TMEM154: variants seen among roughly 807,000 people sequenced by gnomAD.
The protein encoded by TMEM154 is transmembrane protein 154.
A neutral mutation model predicts 24.5 loss-of-function variants in TMEM154; 27 were observed. That is an observed-to-expected ratio of 1.10 (90% CI 0.81 to 1.52). The LOEUF (loss-of-function observed/expected upper bound fraction) is 1.52. Among genes scored for constraint, TMEM154 ranks in the 40% most tolerant of loss-of-function variants. TMEM154 has a pLI of 0.00. For synonymous variants in TMEM154, 67 were observed against 76.8 expected (o/e 0.87, Z 0.67); for missense variants, 228 against 213.4 (o/e 1.07, Z -0.43).
intron 1 of TMEM154, among the ~76,000 whole-genome samples, chr4:152,659,991 T>G (rs921506549): frequency 4.6e-5 from 7 of 152,254 alleles, no homozygotes; most frequent in Admixed American, 3.3e-4. Flanking sequence ...CGGTTGACCA[T>G]GGGTAACTGA....
At chr4:152,645,485 T>C (rs1752344028) in intron 3 of TMEM154, among the ~76,000 whole-genome samples, 1 of 152,228 alleles carries the variant, frequency 6.6e-6, no homozygotes. Flanking sequence ...AAGCCCTGTT[T>C]CATTTGGCAG....
rs963947368 is a variant in TMEM154 at position 152,623,500 on chromosome 4, T to G, written c.*5046A>C. The G allele has an allele frequency of 6.6e-6, 1 of 152,236 alleles. No individual in the cohort carries two copies. Among genetic ancestry groups the G allele is most frequent in the African/African-American group, 2.4e-5 (1 of 41,464 alleles). The allele number at this position is 152,236 out of a possible 1,614,324, so 9.4% of individuals were successfully genotyped here. On this transcript the variant is annotated 3_prime_UTR_variant, in exon 7 of 7. Coordinates refer to ENST00000304385, the MANE Select transcript of TMEM154 (RefSeq NM_152680.3). The stretch of plus-strand genomic sequence containing the variant: ...CATCAGAGTAATACATTGCTTACTC[T>G]CCACTGATTTGTACACTGGAAAAAT...
chr4:152,628,348 C>T lies in TMEM154; in HGVS notation c.*198G>A. The T allele has an allele frequency of 1.1e-6, 1 of 926,532 alleles. No individual in the cohort carries two copies. Among genetic ancestry groups the T allele is most frequent in the Non-Finnish European group, 1.7e-6 (1 of 596,572 alleles). The allele number at this position is 926,532 out of a possible 1,614,324, so 57.4% of individuals were successfully genotyped here. A position where few individuals can be genotyped will look rare whatever the true frequency, so the allele number is the denominator to read the frequency against. ...ATGGCAGCCAGGCCTTTTCCTAGTA[C>T]TTCTCAATTGCACATTCTTCCAAGT... On this transcript the variant is annotated 3_prime_UTR_variant, in exon 7 of 7. Coordinates refer to ENST00000304385, the MANE Select transcript of TMEM154 (RefSeq NM_152680.3).
intron 3 of TMEM154, among the ~76,000 whole-genome samples, chr4:152,645,129 T>C (rs1261202089): frequency 3.3e-5 from 5 of 152,202 alleles, no homozygotes; most frequent in Non-Finnish European, 7.3e-5. Context: ...TTTGATTTTT[T>C]TTTTTCTGTC....
At chr4:152,647,418 G>A (rs996861805) in intron 3 of TMEM154, 2 of 756,080 alleles carry the variant, frequency 2.6e-6, no homozygotes, top group Non-Finnish European at 3.2e-6. Flanking sequence ...CATCTGTTAA[G>A]CAGTTAGTGA....
intron 1 of TMEM154, among the ~76,000 whole-genome samples, chr4:152,678,916 T>G (rs1356803173): frequency 6.6e-6 from 1 of 152,180 alleles, no homozygotes; most frequent in Non-Finnish European, 1.5e-5. Context: ...TCCAGGAAGT[T>G]GTCACATCTG....
intron 6 of TMEM154, among the ~76,000 whole-genome samples, chr4:152,632,049 C>T (rs188768997): frequency 1.4e-4 from 22 of 151,996 alleles, no homozygotes; most frequent in African/African-American, 3.9e-4. Context: ...CCTCGTGATC[C>T]GCCCGCCTCG....
At chr4:152,643,231 T>A in intron 4 of TMEM154, 58 bp from the exon 5 acceptor site, 1 of 1,282,410 alleles carries the variant, frequency 7.8e-7, no homozygotes. Context: ...CCTAATTTCA[T>A]TTGGAAAGAG....
chr4:152,636,863 GAGAA>G (rs1479375165), intron 6 of TMEM154, among the ~76,000 whole-genome samples: 3 of 152,234 alleles, frequency 2.0e-5, no homozygotes, highest in Non-Finnish European at 4.4e-5. Flanking sequence ...TGTTTATCAG[GAGAA>G]AGGAGAAGTG....
intron 1 of TMEM154, chr4:152,668,785 A>G (rs1402772208): frequency 6.6e-6 from 1 of 152,404 alleles, no homozygotes; most frequent in Non-Finnish European, 1.5e-5. Flanking sequence ...TCGCCAGCCT[A>G]AGCAGGAGCA....
intron 1 of TMEM154, among the ~76,000 whole-genome samples, chr4:152,665,789 T>C (rs1411285612): frequency 1.1e-5 from 1 of 94,114 alleles, no homozygotes; most frequent in Non-Finnish European, 2.2e-5. Flanking sequence ...AAGAATTTGC[T>C]TTTTTTTTTT....
chr4:152,639,561 T>C (rs1752214479), intron 6 of TMEM154, among the ~76,000 whole-genome samples: 1 of 151,568 alleles, frequency 6.6e-6, no homozygotes, highest in Admixed American at 6.6e-5. Flanking sequence ...CACCTGCTTG[T>C]TAATCAATCT....
At chr4:152,637,636 A>G (rs1487356157) in intron 6 of TMEM154, among the ~76,000 whole-genome samples, 1 of 152,174 alleles carries the variant, frequency 6.6e-6, no homozygotes, top group Non-Finnish European at 1.5e-5. Flanking sequence ...AGATGTTCTT[A>G]TTTCCATTTT....
intron 3 of TMEM154, among the ~76,000 whole-genome samples, chr4:152,648,017 C>T (rs2149782847): frequency 6.6e-6 from 1 of 152,166 alleles, no homozygotes; most frequent in East Asian, 1.9e-4. Flanking sequence ...ACGACCACAT[C>T]ACCCAGAAAG....
At chr4:152,628,586 A>C (rs1294053760) in intron 6 of TMEM154, 25 bp from the exon 7 acceptor site, 208 of 1,094,828 alleles carry the variant, frequency 1.9e-4, no homozygotes, top group Non-Finnish European at 2.0e-4. Flanking sequence ...AAAAAAAAAA[A>C]AAAAAACAAA....
intron 6 of TMEM154, among the ~76,000 whole-genome samples, chr4:152,630,390 A>G (rs1055579907): frequency 1.3e-5 from 2 of 151,424 alleles, no homozygotes; most frequent in Non-Finnish European, 2.9e-5. Context: ...GAAATGTTTC[A>G]TCTGAAGAGT....
chr4:152,670,258 G>T (rs1324447535), intron 1 of TMEM154, among the ~76,000 whole-genome samples: 1 of 152,178 alleles, frequency 6.6e-6, no homozygotes, highest in Non-Finnish European at 1.5e-5. Context: ...AATTGTTTTG[G>T]TTTGAAGGGA....
intron 6 of TMEM154, among the ~76,000 whole-genome samples, chr4:152,632,552 C>A (rs1752066285): frequency 6.6e-6 from 1 of 152,196 alleles, no homozygotes; most frequent in Non-Finnish European, 1.5e-5. Flanking sequence ...TTAAGATGAC[C>A]ATTTTTACAT....
intron 3 of TMEM154, among the ~76,000 whole-genome samples, chr4:152,652,049 T>C (rs1728394323): frequency 6.6e-6 from 1 of 152,216 alleles, no homozygotes; most frequent in African/African-American, 2.4e-5. Context: ...AAGTTCACTG[T>C]CTTCTGTGAG....
Sources: gnomAD v4.1 joint callset for allele counts (sites outside exome capture counted in the v4.1 genomes callset) on GRCh38, gnomAD v4.1.1 for gene constraint, MANE v1.5 for transcripts, NCBI Gene and HGNC (gene_info 2026-07-23, HGNC 2026-07-21) for gene names.